CNTN5: variants seen among roughly 807,000 people sequenced by gnomAD.
CNTN5 encodes the protein contactin-5.
CNTN5 carries 77 observed loss-of-function variants against 129.1 expected under a neutral mutation model. The observed-to-expected ratio is 0.60, with a 90% CI of 0.50 to 0.72. The LOEUF (loss-of-function observed/expected upper bound fraction) is 0.72, where lower values mean the gene tolerates loss of function less well. CNTN5 is among the 30% of genes least tolerant of loss of function. The probability of loss-of-function intolerance (pLI) is 0.00; values close to 1 mark genes in which losing one functional copy is unlikely to be tolerated. For synonymous variants in CNTN5, 509 were observed against 465.6 expected, an observed-to-expected ratio of 1.09 and a Z score of -1.20; for missense variants, 1,478 against 1,328.8, an observed-to-expected ratio of 1.11 and a Z score of -1.75.
intron 2 of CNTN5, among the ~76,000 whole-genome samples, chr11:99,394,433 T>C (rs1267205816): frequency 2.6e-5 from 4 of 151,574 alleles, no homozygotes. Flanking sequence ...CTTAAAATTA[T>C]GGAATAAATT....
At chr11:99,541,129 C>T (rs1355548142) in intron 2 of CNTN5, among the ~76,000 whole-genome samples, 1 of 152,180 alleles carries the variant, frequency 6.6e-6, no homozygotes, top group Admixed American at 6.6e-5. Flanking sequence ...AGAAATAACT[C>T]TGCCCTACTC....
At chr11:99,109,186 A>T (rs1857666133) in intron 1 of CNTN5, among the ~76,000 whole-genome samples, 1 of 151,734 alleles carries the variant, frequency 6.6e-6, no homozygotes, top group South Asian at 2.1e-4. Context: ...TGATGTTGTT[A>T]CATGTGTATA....
chr11:99,927,250 A>G (rs1204917624), intron 7 of CNTN5, among the ~76,000 whole-genome samples: 1 of 152,168 alleles, frequency 6.6e-6, no homozygotes, highest in Admixed American at 6.5e-5. Context: ...TATTGTTACC[A>G]CCACATTGCA....
intron 6 of CNTN5, among the ~76,000 whole-genome samples, chr11:99,848,498 C>A (rs1314904928): frequency 6.6e-6 from 1 of 152,018 alleles, no homozygotes; most frequent in African/African-American, 2.4e-5. Flanking sequence ...ATGATTAAAG[C>A]ATATTTAATC....
intron 3 of CNTN5, among the ~76,000 whole-genome samples, chr11:99,755,176 CTG>C (rs1944366811): frequency 6.6e-6 from 1 of 152,120 alleles, no homozygotes; most frequent in South Asian, 2.1e-4. Context: ...ATGAATGAAA[CTG>C]TTATAAACAG....
chr11:99,767,254 A>G lies in CNTN5; in HGVS notation c.56-52290A>G, dbSNP rs959806980. On this transcript the variant is annotated intron_variant, in intron 3 of 24. Coordinates refer to ENST00000524871, the MANE Select transcript of CNTN5 (RefSeq NM_014361.4). ...TGTTAAAAAATATTGATAAAAAAGA[A>G]ATCACTTGTAAAACTAATGCCAAGT... 9.2e-4 allele frequency among the ~76,000 whole-genome samples: 140 copies of G among 152,226 alleles called. 1 individual carries two copies. Among genetic ancestry groups the G allele is most frequent in the Non-Finnish European group, 1.3e-4 (9 of 67,964 alleles).
chr11:99,471,806 T>A (rs1224247580), intron 2 of CNTN5, among the ~76,000 whole-genome samples: 2 of 152,130 alleles, frequency 1.3e-5, no homozygotes, highest in Non-Finnish European at 2.9e-5. Context: ...GTAATTATGC[T>A]TCTTAGTTGT....
intron 3 of CNTN5, among the ~76,000 whole-genome samples, chr11:99,770,535 T>C (rs1235585715): frequency 1.3e-5 from 2 of 152,124 alleles, no homozygotes; most frequent in Admixed American, 6.6e-5. Flanking sequence ...TTTTTCTCAA[T>C]TGCTTAACAC....
intron 2 of CNTN5, among the ~76,000 whole-genome samples, chr11:99,390,237 A>G (rs2136185872): frequency 6.6e-6 from 1 of 152,080 alleles, no homozygotes; most frequent in Admixed American, 6.6e-5. Context: ...ACTGCCTCAA[A>G]CTACTGAGTA....
intron 7 of CNTN5, among the ~76,000 whole-genome samples, chr11:99,916,871 A>G (rs943977875): frequency 6.6e-6 from 1 of 152,168 alleles, no homozygotes; most frequent in Admixed American, 6.6e-5. Context: ...AGAAAGAGAA[A>G]GAGCACAAGG....
Position 99,948,616 on chromosome 11 carries a change from A to G in CNTN5, c.674-8190A>G, listed in dbSNP as rs1950604566. 6.6e-5 allele frequency among the ~76,000 whole-genome samples: 10 copies of G among 152,332 alleles called. No homozygotes were observed. The South Asian group carries it at 2.1e-3, about 32-fold the overall frequency. On this transcript the variant is annotated intron_variant, in intron 7 of 24. Transcript: ENST00000524871. The stretch of plus-strand genomic sequence containing the variant: ...CAGGTTTCCTTTTCTCTTTTCAAAT[A>G]AAGATCGATGCTTTGTAATAATTCT...
At chr11:100,129,827 T>TTGTG (rs1052560398) in intron 13 of CNTN5, among the ~76,000 whole-genome samples, 1 of 149,170 alleles carries the variant, frequency 6.7e-6, no homozygotes, top group Non-Finnish European at 1.5e-5. Context: ...TCATATATAT[T>TTGTG]TGTGTGTGTG....
Position 99,809,469 on chromosome 11 carries a change from T to C in CNTN5, c.56-10075T>C, listed in dbSNP as rs563129362. Among the ~76,000 whole-genome samples the C allele has an allele frequency of 2.6e-5, 4 of 152,286 alleles. No individual in the cohort carries two copies. The South Asian group carries it at 8.3e-4, about 32-fold the overall frequency. On this transcript the variant is annotated intron_variant, in intron 3 of 24. Coordinates refer to ENST00000524871, the MANE Select transcript of CNTN5 (RefSeq NM_014361.4). ...TAATAATCATTTCACGTTAAATAAATTTTAAATCCTATATTGCATTATTTG... is the reference window on the plus strand; with the variant it reads ...TAATAATCATTTCACGTTAAATAAACTTTAAATCCTATATTGCATTATTTG...
At chr11:99,196,349 G>A (rs1418802511) in intron 1 of CNTN5, among the ~76,000 whole-genome samples, 1 of 151,690 alleles carries the variant, frequency 6.6e-6, no homozygotes, top group African/African-American at 2.4e-5. Flanking sequence ...GTAAATATTT[G>A]TATAACTAAA....
chr11:99,914,130 G>A (rs1462148672), intron 6 of CNTN5, among the ~76,000 whole-genome samples: 3 of 151,990 alleles, frequency 2.0e-5, no homozygotes, highest in Non-Finnish European at 2.9e-5. Context: ...CCAGCTACTC[G>A]GGAGGCTGAG....
At chr11:99,314,043 G>A (rs905668388) in intron 1 of CNTN5, among the ~76,000 whole-genome samples, 143 of 152,080 alleles carry the variant, frequency 9.4e-4, no homozygotes, top group African/African-American at 3.3e-3. Flanking sequence ...TTAGCCCAAA[G>A]GGGGTTGGTA....
chr11:99,580,345 A>G (rs564336729), intron 3 of CNTN5, among the ~76,000 whole-genome samples: 1 of 152,286 alleles, frequency 6.6e-6, no homozygotes, highest in African/African-American at 2.4e-5. Context: ...CTGGCCTCAT[A>G]AAATGAGTTA....
intron 1 of CNTN5, among the ~76,000 whole-genome samples, chr11:99,294,644 CA>C (rs1351293185): frequency 1.3e-5 from 2 of 152,062 alleles, no homozygotes; most frequent in Non-Finnish European, 2.9e-5. Flanking sequence ...TTACTGTTTA[CA>C]AAACTGTAAA....
chr11:100,141,127 C>T lies in CNTN5; in HGVS notation c.1581-49999C>T, dbSNP rs963966336. 8.6e-5 allele frequency among the ~76,000 whole-genome samples: 13 copies of T among 151,828 alleles called. No individual in the cohort carries two copies. The East Asian group carries it at 2.3e-3, about 27-fold the overall frequency. The stretch of plus-strand genomic sequence containing the variant: ...ACTGAAGCTTCATTTCCATAGGGCA[C>T]GTGGTTGGGGGGAGGCATGTTAAAG... On this transcript the variant is annotated intron_variant, in intron 13 of 24. Coordinates refer to ENST00000524871, the MANE Select transcript of CNTN5 (RefSeq NM_014361.4).
Sources: allele counts gnomAD v4.1 joint callset (sites outside exome capture counted in the v4.1 genomes callset), GRCh38; gene constraint gnomAD v4.1.1; transcripts MANE v1.5; gene names NCBI Gene and HGNC (gene_info 2026-07-23, HGNC 2026-07-21).